Variants in CLASRP observed in about 807,000 individuals in gnomAD.
CLASRP encodes CLK4 associating serine/arginine rich protein.
CLASRP carries 52 observed loss-of-function variants against 99.9 expected under a neutral mutation model. The ratio of observed to expected loss-of-function variants is 0.52; its 90% CI spans 0.42 to 0.66. The LOEUF (loss-of-function observed/expected upper bound fraction) is 0.66. Among genes scored for constraint, CLASRP ranks in the 30% least tolerant of loss-of-function variants. The pLI is 0.00. For missense variants in CLASRP, 848 were observed against 999.2 expected (o/e 0.85, Z 2.04); for synonymous variants, 379 against 373.0 (o/e 1.02, Z -0.18).
chr19:45,041,295 C>T (rs968967930), intron 2 of CLASRP, among the ~76,000 whole-genome samples: 1 of 152,018 alleles, frequency 6.6e-6, no homozygotes, highest in African/African-American at 2.4e-5. Flanking sequence ...TGACCACTTC[C>T]CTCTCCTGTC....
intron 1 of CLASRP, chr19:45,039,976 T>A: frequency 5.0e-6 from 2 of 397,784 alleles, no homozygotes; most frequent in Non-Finnish European, 9.5e-6. Context: ...CACCTGAGGG[T>A]TTTTCAGAAT....
In CLASRP at chr19:45,070,831, C is replaced by G; in HGVS notation, c.2011C>G (p.His671Asp). ...CTCAAGGTCCCGATCCCGAAGCCCC[C>G]ATTACCGACATTAGGCAGAAGAGTG... ...RRSRSRSRSP[H>D]YRH The change falls in exon 21 of 21, where the codon CAT becomes GAT. Residue 671 changes from histidine (H) to aspartate (D), a missense_variant. Coordinates refer to ENST00000221455, the MANE Select transcript of CLASRP (RefSeq NM_007056.3). The G allele has an allele frequency of 1.3e-6, 2 of 1,579,218 alleles. No individual in the cohort carries two copies. The highest frequency in any genetic ancestry group is 2.2e-5 in the South Asian group (2 of 90,246).
intron 10 of CLASRP, among the ~76,000 whole-genome samples, chr19:45,061,571 C>T (rs1048816839): frequency 1.3e-5 from 2 of 152,066 alleles, no homozygotes. Context: ...TAGGCTTAGG[C>T]GATCCTCCTA....
chr19:45,064,711 G>A (rs1053622089), intron 13 of CLASRP, 81 bp downstream of exon 13: 7 of 1,460,974 alleles, frequency 4.8e-6, no homozygotes, highest in Non-Finnish European at 5.4e-6. Flanking sequence ...TCAGAGGGAG[G>A]AAACCTGGCC....
chr19:45,045,060 TTAGC>T (rs1291189720), intron 2 of CLASRP, among the ~76,000 whole-genome samples: 1 of 152,198 alleles, frequency 6.6e-6, no homozygotes, highest in Non-Finnish European at 1.5e-5. Context: ...AGGTAACCAG[TTAGC>T]TCGGGGACCT....
intron 2 of CLASRP, among the ~76,000 whole-genome samples, chr19:45,045,448 T>C (rs1189865886): frequency 6.6e-6 from 1 of 151,836 alleles, no homozygotes; most frequent in Non-Finnish European, 1.5e-5. Flanking sequence ...ACCCAGGAGG[T>C]GGAGGCTGCA....
chr19:45,064,273 G>C, intron 12 of CLASRP, 46 bp downstream of exon 12: 2 of 1,527,860 alleles, frequency 1.3e-6, no homozygotes, highest in Non-Finnish European at 1.8e-6. Context: ...GTCACCATGG[G>C]GGGTACCCGG....
rs1972118779 is a variant in CLASRP at position 45,056,373 on chromosome 19, A to AC, written c.380-75dup. 7 of 1,317,882 alleles carry AC rather than the reference A, an allele frequency of 5.3e-6. No individual in the cohort carries two copies. In the East Asian group the frequency reaches 1.6e-4, roughly 30 times the overall value. The allele number at this position is 1,317,882 out of a possible 1,614,324, so 81.6% of individuals were successfully genotyped here. ...GGGGTTGCACCTGTCTTCCTGCCCCACCGCACCCTTGTGTTCCCCCACTGA... is the reference window on the plus strand; with the variant it reads ...GGGGTTGCACCTGTCTTCCTGCCCCACCCGCACCCTTGTGTTCCCCCACTGA... On this transcript the variant is annotated intron_variant, in intron 5 of 20. Coordinates refer to ENST00000221455, the MANE Select transcript of CLASRP (RefSeq NM_007056.3).
intron 2 of CLASRP, among the ~76,000 whole-genome samples, chr19:45,047,055 G>C (rs1324681986): frequency 6.6e-6 from 1 of 152,068 alleles, no homozygotes; most frequent in African/African-American, 2.4e-5. Context: ...TTTGGATCTT[G>C]AAGAGGTACT....
chr19:45,062,272 G>T (rs974345539), intron 11 of CLASRP, 77 bp downstream of exon 11: 4 of 882,292 alleles, frequency 4.5e-6, no homozygotes, highest in Non-Finnish European at 7.8e-6. Flanking sequence ...GGAGGGGATG[G>T]GAGGTTCACC....
At chr19:45,069,829 G>A (rs1425477105) in intron 18 of CLASRP, 193 bp from the exon 19 acceptor site, 1 of 573,934 alleles carries the variant, frequency 1.7e-6, no homozygotes, top group African/African-American at 1.9e-5. Flanking sequence ...CTAGGAAGGG[G>A]CTGGGATTCC....
intron 8 of CLASRP, among the ~76,000 whole-genome samples, chr19:45,059,872 A>G (rs1205318303): frequency 1.3e-5 from 2 of 152,124 alleles, no homozygotes; most frequent in Non-Finnish European, 2.9e-5. Flanking sequence ...CCATGGCCGA[A>G]AGGTCTTACC....
intron 5 of CLASRP, among the ~76,000 whole-genome samples, chr19:45,053,488 AT>A (rs572088130): frequency 9.9e-5 from 15 of 152,142 alleles, no homozygotes; most frequent in African/African-American, 3.6e-4. Context: ...TTATTTATTT[AT>A]TTATTTGAGG....
At chr19:45,056,583 GA>G in intron 6 of CLASRP, 49 bp downstream of exon 6, 3 of 1,512,478 alleles carry the variant, frequency 2.0e-6, no homozygotes, top group Non-Finnish European at 2.8e-6. Flanking sequence ...GGAGGGCTGG[GA>G]GCCCCAGCCA....
intron 6 of CLASRP, among the ~76,000 whole-genome samples, chr19:45,056,856 A>G (rs1384023137): frequency 6.6e-6 from 1 of 152,050 alleles, no homozygotes; most frequent in Non-Finnish European, 1.5e-5. Context: ...TTCCCTGTAA[A>G]ATGGGGCTGG....
chr19:45,059,476 C>T, intron 8 of CLASRP, 112 bp downstream of exon 8: 1 of 928,064 alleles, frequency 1.1e-6, no homozygotes, highest in Non-Finnish European at 1.7e-6. Context: ...TGTGCCTGGC[C>T]CTGGGCCCAG....
rs1340345441 is a variant in CLASRP at position 45,056,434 on chromosome 19, C to T, written c.380-16C>T. On this transcript the variant is annotated splice_polypyrimidine_tract_variant and intron_variant, in intron 5 of 20. Coordinates refer to ENST00000221455, the MANE Select transcript of CLASRP (RefSeq NM_007056.3). ...TCCCCAACCCACTCTGACCTGGGGTCTCTTGTTTGCTGCAGTCTCAGAGGA... is the reference window on the plus strand; with the variant it reads ...TCCCCAACCCACTCTGACCTGGGGTTTCTTGTTTGCTGCAGTCTCAGAGGA... 1 of 1,613,032 alleles carries T rather than the reference C, an allele frequency of 6.2e-7. No homozygotes were observed. The highest frequency in any genetic ancestry group is 1.3e-5 in the African/African-American group (1 of 74,914).
intron 6 of CLASRP, among the ~76,000 whole-genome samples, chr19:45,056,978 C>G (rs774398788): frequency 6.6e-6 from 1 of 152,190 alleles, no homozygotes; most frequent in Non-Finnish European, 1.5e-5. Flanking sequence ...GCTGATGTCA[C>G]TCTGGAGAGA....
intron 3 of CLASRP, 68 bp downstream of exon 3, chr19:45,052,236 A>G: frequency 7.4e-7 from 1 of 1,354,750 alleles, no homozygotes; most frequent in Non-Finnish European, 1.1e-6. Context: ...GGGGTGGTGT[A>G]GAGTGTGGAG....
Sources: gnomAD v4.1 joint callset for allele counts (sites outside exome capture counted in the v4.1 genomes callset) on GRCh38, gnomAD v4.1.1 for gene constraint, MANE v1.5 for transcripts, NCBI Gene and HGNC (gene_info 2026-07-23, HGNC 2026-07-21) for gene names.